MAGI2: variants seen among roughly 807,000 people sequenced by gnomAD.
The protein encoded by MAGI2 is membrane associated guanylate kinase, WW and PDZ domain containing 2.
MAGI2 carries 35 observed loss-of-function variants against 133.3 expected under a neutral mutation model. The observed-to-expected ratio is 0.26, with a 90% CI of 0.20 to 0.35. MAGI2 has a LOEUF of 0.35. Ranked by LOEUF, MAGI2 falls within the 10% of genes least tolerant of loss-of-function variation. The pLI, the probability that MAGI2 is intolerant of heterozygous loss-of-function variation, is 1.00. For synonymous variants in MAGI2, 729 were observed against 710.6 expected, an observed-to-expected ratio of 1.03 and a Z score of -0.41; for missense variants, 1,636 against 1,863.4, an observed-to-expected ratio of 0.88 and a Z score of 2.25.
At chr7:78,649,242 A>AAAAAAAAAAAAAAAAAAAAAG (rs1554512645) in intron 2 of MAGI2, among the ~76,000 whole-genome samples, 13 of 149,662 alleles carry the variant, frequency 8.7e-5, no homozygotes, top group Non-Finnish European at 1.8e-4. Context: ...AAAAGAAAAA[A>AAAAAAAAAAAAAAAAAAAAAG]AAAGAAAAAA....
intron 2 of MAGI2, among the ~76,000 whole-genome samples, chr7:78,861,755 G>A (rs1158766722): frequency 6.6e-6 from 1 of 152,204 alleles, no homozygotes; most frequent in Non-Finnish European, 1.5e-5. Flanking sequence ...ACTATAAAAT[G>A]TCACATAAAT....
chr7:78,830,448 C>T lies in MAGI2; in HGVS notation c.418+176642G>A, dbSNP rs577170205. Among the ~76,000 whole-genome samples the T allele has an allele frequency of 4.6e-5, 7 of 152,002 alleles. No individual in the cohort carries two copies. In the South Asian group the frequency reaches 1.2e-3, roughly 27 times the overall value. ...CCAATCTCTTTTTTTCTTTAGTGTT[C>T]CCCTTGTAGTACTATCATCTACATT... On this transcript the variant is annotated intron_variant, in intron 2 of 21. Transcript: ENST00000354212.
intron 20 of MAGI2, among the ~76,000 whole-genome samples, chr7:78,081,154 C>G (rs1015726731): frequency 2.6e-5 from 4 of 152,150 alleles, no homozygotes; most frequent in African/African-American, 9.7e-5. Flanking sequence ...TTCCTCGACT[C>G]TATGCTCTTC....
chr7:79,046,491 G>C (rs1377223268), intron 1 of MAGI2, among the ~76,000 whole-genome samples: 2 of 152,164 alleles, frequency 1.3e-5, no homozygotes, highest in African/African-American at 4.8e-5. Flanking sequence ...GCTTTGTTGT[G>C]ACAGCCCTAG....
chr7:78,438,172 T>C (rs942073111), intron 6 of MAGI2, among the ~76,000 whole-genome samples: 1 of 152,122 alleles, frequency 6.6e-6, no homozygotes, highest in African/African-American at 2.4e-5. Flanking sequence ...ATGTGTAATA[T>C]TATCTTCTGT....
intron 21 of MAGI2, among the ~76,000 whole-genome samples, chr7:78,030,415 C>T (rs1809443271): frequency 6.6e-6 from 1 of 152,194 alleles, no homozygotes; most frequent in Non-Finnish European, 1.5e-5. Context: ...CGCCACCAAG[C>T]CCAGCTAATT....
chr7:78,404,597 G>C (rs182668574), intron 6 of MAGI2, among the ~76,000 whole-genome samples: 450 of 152,230 alleles, frequency 3.0e-3, no homozygotes, highest in Non-Finnish European at 4.9e-3. Context: ...AAATGGTGCT[G>C]GGAAAACTGG....
intron 2 of MAGI2, among the ~76,000 whole-genome samples, chr7:78,924,713 T>A (rs1391878460): frequency 6.6e-6 from 1 of 152,068 alleles, no homozygotes; most frequent in Non-Finnish European, 1.5e-5. Flanking sequence ...GCCTCATAAA[T>A]GAGTTAGGGA....
chr7:78,558,083 T>C (rs1050985968), intron 3 of MAGI2, among the ~76,000 whole-genome samples: 5 of 152,198 alleles, frequency 3.3e-5, no homozygotes, highest in Non-Finnish European at 7.3e-5. Context: ...TCTAAGATCA[T>C]GGTGTGTGAT....
intron 6 of MAGI2, among the ~76,000 whole-genome samples, chr7:78,400,176 G>A (rs956975972): frequency 6.6e-5 from 10 of 152,088 alleles, no homozygotes; most frequent in Non-Finnish European, 5.9e-5. Flanking sequence ...GGAAACAGTA[G>A]GTTCTCTAAG....
chr7:78,333,950 G>T (rs1304482283), intron 9 of MAGI2, among the ~76,000 whole-genome samples: 1 of 152,152 alleles, frequency 6.6e-6, no homozygotes, highest in Non-Finnish European at 1.5e-5. Flanking sequence ...AACTAAACAG[G>T]TACTTCAAAA....
intron 1 of MAGI2, among the ~76,000 whole-genome samples, chr7:79,423,644 C>A (rs1464533660): frequency 1.3e-5 from 2 of 151,916 alleles, no homozygotes; most frequent in African/African-American, 4.8e-5. Flanking sequence ...GCAGGTTATG[C>A]CATTTCTTTC....
intron 2 of MAGI2, among the ~76,000 whole-genome samples, chr7:78,956,684 C>T (rs1326710437): frequency 6.6e-6 from 1 of 152,116 alleles, no homozygotes; most frequent in Admixed American, 6.6e-5. Flanking sequence ...GTAGCAGGGT[C>T]ATATTTGTAA....
chr7:79,295,776 A>G (rs1414364861), intron 1 of MAGI2, among the ~76,000 whole-genome samples: 2 of 152,082 alleles, frequency 1.3e-5, no homozygotes, highest in Non-Finnish European at 1.5e-5. Context: ...TACTTGGTAG[A>G]CAATACCACA....
chr7:79,145,278 G>A (rs1029417497), intron 1 of MAGI2, among the ~76,000 whole-genome samples: 1 of 152,030 alleles, frequency 6.6e-6, no homozygotes, highest in Non-Finnish European at 1.5e-5. Flanking sequence ...CTTCCAAAGA[G>A]ACTTTATTTT....
chr7:79,444,481 C>G (rs1464401542), intron 1 of MAGI2, among the ~76,000 whole-genome samples: 2 of 152,170 alleles, frequency 1.3e-5, no homozygotes, highest in Non-Finnish European at 2.9e-5. Context: ...CATACAAAAT[C>G]AATGTGCAAA....
At chr7:78,704,296 G>A (rs1343446704) in intron 2 of MAGI2, among the ~76,000 whole-genome samples, 1 of 151,980 alleles carries the variant, frequency 6.6e-6, no homozygotes, top group Non-Finnish European at 1.5e-5. Context: ...ATATACATGT[G>A]GCCAAGAAGC....
intron 6 of MAGI2, among the ~76,000 whole-genome samples, chr7:78,467,186 T>C (rs1790720100): frequency 6.6e-6 from 1 of 152,142 alleles, no homozygotes; most frequent in Non-Finnish European, 1.5e-5. Context: ...CTGTCACATT[T>C]GGAGTGCTTT....
intron 1 of MAGI2, among the ~76,000 whole-genome samples, chr7:79,047,018 A>G (rs548692349): frequency 9.2e-5 from 14 of 152,286 alleles, no homozygotes; most frequent in African/African-American, 3.4e-4. Flanking sequence ...TCAAGTGTTC[A>G]TTTTGAATGA....
Sources: gnomAD v4.1 joint callset for allele counts (sites outside exome capture counted in the v4.1 genomes callset) on GRCh38, gnomAD v4.1.1 for gene constraint, MANE v1.5 for transcripts, NCBI Gene and HGNC (gene_info 2026-07-23, HGNC 2026-07-21) for gene names.